Variants in ZFHX3 observed in about 807,000 individuals in gnomAD.
The protein encoded by ZFHX3 is zinc finger homeobox 3, also known as zinc finger homeobox protein 3.
ZFHX3 carries 42 observed loss-of-function variants against 279.1 expected under a neutral mutation model. The ratio of observed to expected loss-of-function variants is 0.15; its 90% confidence interval spans 0.12 to 0.19. ZFHX3 has a LOEUF of 0.19. Among genes scored for constraint, ZFHX3 ranks in the 10% least tolerant of loss-of-function variants. The pLI is 1.00. For synonymous variants in ZFHX3, 2,293 were observed against 1,957.8 expected, an observed-to-expected ratio of 1.17 and a Z score of -4.52; for missense variants, 4,981 against 4,754.0, an observed-to-expected ratio of 1.05 and a Z score of -1.40.
At position 73,206,264 on chromosome 16, in the gene ZFHX3, T is replaced by A. The variant is rs74028088; in HGVS notation, c.-1104+50783A>T. ...GAATTAGGCCACCAGAAAATACATTTAATTTAATATTTCTTTGATGAGTCA... is the reference window on the plus strand; with the variant it reads ...GAATTAGGCCACCAGAAAATACATTAAATTTAATATTTCTTTGATGAGTCA... On this transcript the variant is annotated intron_variant, in intron 5 of 17. Coordinates refer to the ZFHX3 transcript ENST00000641206. Among the ~76,000 whole-genome samples, 417 of 152,314 alleles carry A rather than the reference T, an allele frequency of 2.7e-3. 2 individuals carry two copies. Among genetic ancestry groups the A allele is most frequent in the Middle Eastern group, 6.8e-3 (2 of 294 alleles).
intron 3 of ZFHX3, among the ~76,000 whole-genome samples, chr16:73,324,101 G>T (rs2143205529): frequency 6.6e-6 from 1 of 152,348 alleles, no homozygotes; most frequent in East Asian, 1.9e-4. Context: ...CTTTGAGCTG[G>T]GCATGTAGCC....
chr16:73,348,361 T>C (rs2016159398), intron 3 of ZFHX3, among the ~76,000 whole-genome samples: 2 of 152,230 alleles, frequency 1.3e-5, no homozygotes, highest in South Asian at 2.1e-4. Context: ...TAATCACCTC[T>C]CTGGCAAGGG....
chr16:73,346,187 G>C (rs190848475), intron 3 of ZFHX3, among the ~76,000 whole-genome samples: 2 of 152,228 alleles, frequency 1.3e-5, no homozygotes, highest in Admixed American at 6.5e-5. Flanking sequence ...CCCAGACAAA[G>C]TGTGATGATC....
intron 2 of ZFHX3, among the ~76,000 whole-genome samples, chr16:73,657,371 T>C (rs1047368922): frequency 6.6e-6 from 1 of 152,138 alleles, no homozygotes; most frequent in African/African-American, 2.4e-5. Flanking sequence ...GCAGGGAGAA[T>C]CACCTAAATC....
chr16:73,496,517 C>T (rs191752147), intron 2 of ZFHX3, among the ~76,000 whole-genome samples: 41 of 152,122 alleles, frequency 2.7e-4, no homozygotes, highest in Admixed American at 2.3e-3. Context: ...GGAGACACAG[C>T]GAGACTCCAT....
chr16:73,615,165 A>T (rs1305815652), intron 2 of ZFHX3, among the ~76,000 whole-genome samples: 1 of 151,474 alleles, frequency 6.6e-6, no homozygotes, highest in African/African-American at 2.4e-5. Flanking sequence ...AAAAAGCTTG[A>T]CACAATGAGG....
intron 1 of ZFHX3, among the ~76,000 whole-genome samples, chr16:73,698,169 A>T (rs2053215025): frequency 6.6e-6 from 1 of 152,210 alleles, no homozygotes; most frequent in Non-Finnish European, 1.5e-5. Context: ...CAATGGCCGA[A>T]ACTGGAACAA....
chr16:73,189,222 T>C (rs925297311), intron 5 of ZFHX3, among the ~76,000 whole-genome samples: 3 of 152,182 alleles, frequency 2.0e-5, no homozygotes, highest in Non-Finnish European at 4.4e-5. Context: ...GGTGAAGACA[T>C]TCTCCAACGT....
intron 2 of ZFHX3, among the ~76,000 whole-genome samples, chr16:73,644,592 T>C (rs1270409212): frequency 1.3e-5 from 2 of 152,126 alleles, no homozygotes; most frequent in East Asian, 1.9e-4. Context: ...ACCCAGGAGA[T>C]GGAGGATGCA....
rs2143407934 is a variant in ZFHX3, at chr16:72,794,841, A to G, written c.7841T>C (p.Leu2614Pro). The change falls in exon 9 of 10, where the codon CTC becomes CCC. Residue 2614 changes from leucine (L) to proline (P), a missense_variant. By Grantham distance (98) the Leu-to-Pro change is moderately conservative. Coordinates refer to ENST00000268489, the MANE Select transcript of ZFHX3 (RefSeq NM_006885.4). The surrounding 1 kb of genome is among the most constrained non-coding windows in gnomAD (Gnocchi z 4.2). ...PSTPTSTMNTLKRKLEEKASA... is the reference protein window; with the variant it reads ...PSTPTSTMNTPKRKLEEKASA... ...GGCCTTTTCCTCCAGCTTCCTCTTG[A>G]GAGTGTTCATTGTGGAGGTTGGAGT... The G allele has an allele frequency of 3.7e-6, 6 of 1,613,836 alleles. No individual in the cohort carries two copies. The Middle Eastern group carries it at 6.6e-4, about 177-fold the overall frequency.
At chr16:73,508,859 A>G (rs2019374415) in intron 2 of ZFHX3, among the ~76,000 whole-genome samples, 2 of 152,146 alleles carry the variant, frequency 1.3e-5, no homozygotes, top group Non-Finnish European at 2.9e-5. Context: ...ACTTCAACCA[A>G]CGTAAGAACT....
intron 1 of ZFHX3, among the ~76,000 whole-genome samples, chr16:73,852,761 T>C (rs1025832030): frequency 6.6e-6 from 1 of 152,194 alleles, no homozygotes; most frequent in Non-Finnish European, 1.5e-5. Context: ...CTCCATGTGA[T>C]CCTGTTGGCT....
intron 2 of ZFHX3, among the ~76,000 whole-genome samples, chr16:73,625,354 C>G (rs2052404997): frequency 6.6e-6 from 1 of 152,234 alleles, no homozygotes; most frequent in Non-Finnish European, 1.5e-5. Context: ...TCACACCTGC[C>G]TAACTCAATG....
chr16:73,783,330 T>A (rs574340548), intron 1 of ZFHX3, among the ~76,000 whole-genome samples: 1 of 152,322 alleles, frequency 6.6e-6, no homozygotes, highest in Non-Finnish European at 1.5e-5. Context: ...ACTGTTGAAC[T>A]CTTTCCTGTG....
intron 3 of ZFHX3, among the ~76,000 whole-genome samples, chr16:73,364,839 T>C (rs1456992328): frequency 1.3e-5 from 2 of 152,192 alleles, no homozygotes; most frequent in Non-Finnish European, 2.9e-5. Context: ...ATAGCTAAAG[T>C]CTAGATATTG....
intron 2 of ZFHX3, among the ~76,000 whole-genome samples, chr16:73,587,999 G>A (rs1022770878): frequency 2.6e-5 from 4 of 152,146 alleles, no homozygotes; most frequent in Non-Finnish European, 4.4e-5. Context: ...GGCACACAGT[G>A]GGCCACAAAC....
intron 1 of ZFHX3, among the ~76,000 whole-genome samples, chr16:73,011,951 C>A (rs1963934281): frequency 6.6e-6 from 1 of 152,156 alleles, no homozygotes; most frequent in South Asian, 2.1e-4. Flanking sequence ...CTGTCCCCGT[C>A]CCCCAAGACC....
rs949377007 is a variant in ZFHX3 at position 72,950,611 on chromosome 16, T to C, written c.3074A>G (p.Asn1025Ser). The C allele has an allele frequency of 5.0e-6, 8 of 1,614,212 alleles. No individual in the cohort carries two copies. Among genetic ancestry groups the C allele is most frequent in the Admixed American group, 1.7e-5 (1 of 60,030 alleles). Residue 1025 changes from asparagine to serine, a missense_variant, in exon 3 of 10, where the codon AAC becomes AGC. This residue lies in a region of ZFHX3 where 1,751 missense variants were observed against 1,770.0 expected (regional missense o/e 0.99). Transcript: ENST00000268489. Reference protein sequence around the residue: ...VAHIKEGGKANEWRLKCVAIG... With the variant: ...VAHIKEGGKASEWRLKCVAIG... ...GGCCACACACTTGAGCCTCCACTCG[T>C]TGGCCTTGCCGCCCTCCTTGATGTG...
At chr16:73,833,175 C>T (rs542127001) in intron 1 of ZFHX3, among the ~76,000 whole-genome samples, 32 of 152,188 alleles carry the variant, frequency 2.1e-4, no homozygotes, top group Non-Finnish European at 4.0e-4. Context: ...CCAGCCCAGG[C>T]GACGTAGCAA....
Sources: gnomAD v4.1 joint callset for allele counts (sites outside exome capture counted in the v4.1 genomes callset) on GRCh38, gnomAD v4.1.1 for gene constraint, gnomAD v4.1.1 regional missense constraint, Gnocchi (gnomAD v3.1) non-coding constraint, MANE v1.5 for transcripts, NCBI Gene and HGNC (gene_info 2026-07-23, HGNC 2026-07-21) for gene names.